PLXNC1: variants seen among roughly 807,000 people sequenced by gnomAD.
PLXNC1 encodes plexin C1.
In PLXNC1, 75 loss-of-function variants were observed where a neutral mutation model predicts 178.2. That is an observed-to-expected ratio of 0.42 (90% confidence interval 0.35 to 0.51). The LOEUF is 0.51. Ranked by LOEUF, PLXNC1 falls within the 20% of genes least tolerant of loss-of-function variation. The probability of loss-of-function intolerance (pLI) is 0.02; values close to 1 mark genes in which losing one functional copy is unlikely to be tolerated. For synonymous variants in PLXNC1, 790 were observed against 779.9 expected, an observed-to-expected ratio of 1.01 and a Z score of -0.22; for missense variants, 1,503 against 1,984.4, an observed-to-expected ratio of 0.76 and a Z score of 4.61.
At chr12:94,220,953 A>T (rs1395718365) in intron 6 of PLXNC1, among the ~76,000 whole-genome samples, 6 of 152,212 alleles carry the variant, frequency 3.9e-5, no homozygotes, top group Non-Finnish European at 7.3e-5. Flanking sequence ...GGGTAGGGGA[A>T]GGTGGAAAGG....
intron 4 of PLXNC1, among the ~76,000 whole-genome samples, chr12:94,201,330 T>A (rs1383932673): frequency 6.6e-6 from 1 of 152,242 alleles, no homozygotes; most frequent in Non-Finnish European, 1.5e-5. Context: ...CCAAAGGGCA[T>A]CTGGTCAACC....
chr12:94,155,741 G>C (rs1961143506), intron 1 of PLXNC1, among the ~76,000 whole-genome samples: 1 of 152,168 alleles, frequency 6.6e-6, no homozygotes, highest in South Asian at 2.1e-4. Context: ...TCCCAGATGT[G>C]GGGGGATGTC....
intron 15 of PLXNC1, among the ~76,000 whole-genome samples, chr12:94,253,166 G>A (rs113595945): frequency 0.021 from 2,792 of 133,996 alleles, 90 homozygotes; most frequent in African/African-American, 0.072. Context: ...AGCCGAGATC[G>A]TGCCACTGCA....
chr12:94,158,465 T>C (rs1961258467), intron 1 of PLXNC1, among the ~76,000 whole-genome samples: 1 of 152,112 alleles, frequency 6.6e-6, no homozygotes, highest in Non-Finnish European at 1.5e-5. Context: ...TAAAATAAAT[T>C]ATCAATCGGA....
At position 94,149,766 on chromosome 12, in the gene PLXNC1, G is replaced by A; in HGVS notation, c.795G>A (p.Ala265=). 6.2e-7 allele frequency: 1 copy of A among 1,609,078 alleles called. No homozygotes were observed. The change falls in exon 1 of 31, where the codon GCG becomes GCA. Residue 265 remains alanine, a synonymous_variant. Coordinates refer to ENST00000258526, the MANE Select transcript of PLXNC1 (RefSeq NM_005761.3). ...SGAATGWPSM[A]RIAQSTEVLF... is the part of the protein sequence containing the mutation. Reference sequence around the variant, plus strand: ...CTGCCACCGGCTGGCCCAGCATGGCGCGCATCGCGCAGAGCACCGAGGTGC... The same window carrying A: ...CTGCCACCGGCTGGCCCAGCATGGCACGCATCGCGCAGAGCACCGAGGTGC...
chr12:94,217,672 C>A (rs181943105), intron 5 of PLXNC1, among the ~76,000 whole-genome samples: 16 of 152,328 alleles, frequency 1.1e-4, no homozygotes, highest in African/African-American at 3.4e-4. Flanking sequence ...TCCAGTCCTG[C>A]CCCATGCCAC....
At chr12:94,295,651 A>G (rs1592986591) in intron 24 of PLXNC1, among the ~76,000 whole-genome samples, 2 of 152,156 alleles carry the variant, frequency 1.3e-5, no homozygotes, top group Non-Finnish European at 2.9e-5. Context: ...CAAAATCCCA[A>G]CGCTGGATGA....
At chr12:94,234,275 C>T (rs1592792939) in intron 9 of PLXNC1, among the ~76,000 whole-genome samples, 2 of 152,102 alleles carry the variant, frequency 1.3e-5, no homozygotes, top group South Asian at 2.1e-4. Context: ...ATTGTGTTGA[C>T]GTCAGACTTC....
chr12:94,294,165 G>A (rs1315097084), intron 23 of PLXNC1, among the ~76,000 whole-genome samples: 2 of 152,168 alleles, frequency 1.3e-5, no homozygotes, highest in East Asian at 3.9e-4. Context: ...ACACAGCTCA[G>A]TCTTCCCCTC....
chr12:94,173,056 G>A (rs1961905902), intron 2 of PLXNC1, among the ~76,000 whole-genome samples: 1 of 152,038 alleles, frequency 6.6e-6, no homozygotes, highest in Non-Finnish European at 1.5e-5. Flanking sequence ...AGTCACCCCC[G>A]CAGTTATTTC....
In PLXNC1 at chr12:94,282,350, C is replaced by A; in HGVS notation, c.3828C>A (p.Ser1276=). ...QKELLDIDSS[S]VILEDGITKL... is the part of the protein sequence containing the mutation. ...AACTTCTGGACATCGACAGTTCCTCCGTGATTCTTGAAGATGGAATCACCA... is the reference window on the plus strand; with the variant it reads ...AACTTCTGGACATCGACAGTTCCTCAGTGATTCTTGAAGATGGAATCACCA... Residue 1276 remains serine (S), a synonymous_variant, in exon 23 of 31, where the codon TCC becomes TCA. Coordinates refer to ENST00000258526, the MANE Select transcript of PLXNC1 (RefSeq NM_005761.3). The A allele has an allele frequency of 6.2e-7, 1 of 1,614,046 alleles. No individual in the cohort carries two copies. Among genetic ancestry groups the A allele is most frequent in the Non-Finnish European group, 8.5e-7 (1 of 1,179,918 alleles).
chr12:94,263,882 A>G (rs1042867179), intron 20 of PLXNC1, among the ~76,000 whole-genome samples: 5 of 152,076 alleles, frequency 3.3e-5, no homozygotes, highest in Admixed American at 3.3e-4. Context: ...TGCAGCAAGT[A>G]TAAAGGAAGG....
rs1393302238 is a variant in PLXNC1 at position 94,250,462 on chromosome 12, G to C, written c.2779-964G>C. ...AGAAACAGAGCAGGTGGCAGAGCTG[G>C]TATGGAGAGCTTCAGCTATCCGGGT... On this transcript the variant is annotated intron_variant, in intron 14 of 30. Transcript: ENST00000258526. Among the ~76,000 whole-genome samples the C allele has an allele frequency of 5.9e-5, 9 of 152,298 alleles. No homozygotes were observed. The East Asian group carries it at 1.7e-3, about 29-fold the overall frequency.
At chr12:94,237,867 A>G (rs1964284461) in intron 10 of PLXNC1, 64 bp downstream of exon 10, 1 of 1,538,550 alleles carries the variant, frequency 6.5e-7, no homozygotes, top group Non-Finnish European at 8.9e-7. Flanking sequence ...CCAAAGGAAT[A>G]TCAGTGTGAT....
chr12:94,255,690 G>A (rs547906728), intron 17 of PLXNC1, among the ~76,000 whole-genome samples: 1 of 152,330 alleles, frequency 6.6e-6, no homozygotes, highest in African/African-American at 2.4e-5. Flanking sequence ...GCAGTGACTA[G>A]ATTATTCACT....
At chr12:94,192,859 A>C (rs1962775435) in intron 4 of PLXNC1, among the ~76,000 whole-genome samples, 1 of 152,236 alleles carries the variant, frequency 6.6e-6, no homozygotes, top group Admixed American at 6.5e-5. Context: ...ATTCTAGTAC[A>C]GGATGGATTG....
intron 16 of PLXNC1, 98 bp from the exon 17 acceptor site, chr12:94,255,095 T>C: frequency 9.4e-7 from 1 of 1,059,206 alleles, no homozygotes; most frequent in Non-Finnish European, 1.4e-6. Context: ...TCTTCTTTAA[T>C]GAAAACCAAG....
intron 4 of PLXNC1, among the ~76,000 whole-genome samples, chr12:94,191,981 CAT>C: frequency 6.6e-6 from 1 of 152,198 alleles, no homozygotes; most frequent in East Asian, 1.9e-4. Flanking sequence ...AAGCATAGCA[CAT>C]GTGTTCAGTT....
chr12:94,240,906 G>A (rs1964369263), intron 11 of PLXNC1, among the ~76,000 whole-genome samples: 2 of 152,156 alleles, frequency 1.3e-5, no homozygotes, highest in African/African-American at 4.8e-5. Flanking sequence ...ACTCACAGCT[G>A]AAATGTTTGC....
Sources: gnomAD v4.1 joint callset for allele counts (sites outside exome capture counted in the v4.1 genomes callset) on GRCh38, gnomAD v4.1.1 for gene constraint, MANE v1.5 for transcripts, NCBI Gene and HGNC (gene_info 2026-07-23, HGNC 2026-07-21) for gene names.